The following TENM2 variants were observed in gnomAD, a reference collection of about 807,000 sequenced individuals.
The protein encoded by TENM2 is teneurin transmembrane protein 2.
TENM2 carries 52 observed loss-of-function variants against 245.2 expected under a neutral mutation model. The observed-to-expected ratio is 0.21, with a 90% CI of 0.17 to 0.27. TENM2 has a LOEUF of 0.27. Ranked by LOEUF, TENM2 falls within the 10% of genes least tolerant of loss-of-function variation. TENM2 has a pLI of 1.00. For synonymous variants in TENM2, 1,363 were observed against 1,438.9 expected, an observed-to-expected ratio of 0.95 and a Z score of 1.19; for missense variants, 3,046 against 3,666.8, an observed-to-expected ratio of 0.83 and a Z score of 4.37.
At chr5:168,084,170 C>G (rs1473280669) in intron 7 of TENM2, among the ~76,000 whole-genome samples, 1 of 152,160 alleles carries the variant, frequency 6.6e-6, no homozygotes, top group African/African-American at 2.4e-5. Flanking sequence ...TTGGTAGGCA[C>G]CTAGGTTGAT....
At chr5:167,919,794 G>A (rs1777213640) in intron 3 of TENM2, among the ~76,000 whole-genome samples, 2 of 152,194 alleles carry the variant, frequency 1.3e-5, no homozygotes, top group African/African-American at 4.8e-5. Flanking sequence ...CTATCAGAGT[G>A]CTTTGGTGAA....
intron 2 of TENM2, among the ~76,000 whole-genome samples, chr5:167,671,652 C>A (rs1755950473): frequency 6.6e-6 from 1 of 151,698 alleles, no homozygotes; most frequent in African/African-American, 2.4e-5. Flanking sequence ...TTATAAATAT[C>A]CATTTATCAC....
intron 2 of TENM2, among the ~76,000 whole-genome samples, chr5:167,833,321 A>G (rs1464554984): frequency 6.6e-6 from 1 of 152,228 alleles, no homozygotes; most frequent in East Asian, 1.9e-4. Flanking sequence ...CCTTCATACA[A>G]GGAAACAAAT....
At chr5:167,151,675 T>A in the TENM2 span, among the ~76,000 whole-genome samples, 1 of 152,062 alleles carries the variant, frequency 6.6e-6, no homozygotes, top group Non-Finnish European at 1.5e-5. Context: ...CCCGCCACCC[T>A]GCCTGGCTAA....
At chr5:167,501,598 G>A (rs76372288) in intron 2 of TENM2, among the ~76,000 whole-genome samples, 3,792 of 152,038 alleles carry the variant, frequency 0.025, 151 homozygotes, top group East Asian at 0.2. Context: ...TTATCTCCTT[G>A]TTTCTCCCAA....
At chr5:167,145,512 C>T in the TENM2 span, among the ~76,000 whole-genome samples, 10 of 152,140 alleles carry the variant, frequency 6.6e-5, no homozygotes, top group Non-Finnish European at 1.3e-4. Flanking sequence ...CTGACTGGAC[C>T]AAGTTACTGG....
At chr5:167,462,884 C>T (rs546511109) in intron 2 of TENM2, among the ~76,000 whole-genome samples, 2 of 152,128 alleles carry the variant, frequency 1.3e-5, no homozygotes, top group East Asian at 2.0e-4. Context: ...GGAGAACCGC[C>T]TTCTTCTACC....
chr5:167,286,005 G>A (rs1177199863), intron 1 of TENM2, among the ~76,000 whole-genome samples: 1 of 152,150 alleles, frequency 6.6e-6, no homozygotes, highest in Non-Finnish European at 1.5e-5. Context: ...TTCTAGTCCT[G>A]GTTTCTCAGC....
At chr5:167,994,313 C>G (rs1489201800) in intron 5 of TENM2, among the ~76,000 whole-genome samples, 2 of 152,214 alleles carry the variant, frequency 1.3e-5, no homozygotes, top group South Asian at 2.1e-4. Flanking sequence ...AAAAGGCAAC[C>G]CTGACTGTGT....
chr5:167,409,638 T>C (rs1019412830), intron 2 of TENM2, among the ~76,000 whole-genome samples: 1 of 151,998 alleles, frequency 6.6e-6, no homozygotes, highest in Non-Finnish European at 1.5e-5. Context: ...TTTATTTGTG[T>C]TTTTCATTTT....
Position 167,750,024 on chromosome 5 carries a change from A to G in TENM2, c.503-125962A>G, listed in dbSNP as rs897255768. Among the ~76,000 whole-genome samples, 7 of 152,144 alleles carry G rather than the reference A, an allele frequency of 4.6e-5. No homozygotes were observed. The East Asian group carries it at 1.4e-3, about 30-fold the overall frequency. ...GGTGTATTAGACTTTGTCAAAAGCA[A>G]TGGAGATGATTTTTTCAAGGTTAGA... On this transcript the variant is annotated intron_variant, in intron 2 of 28. Coordinates refer to ENST00000518659, the Ensembl canonical transcript of TENM2.
At chr5:167,126,080 T>C in the TENM2 span, among the ~76,000 whole-genome samples, 3 of 152,184 alleles carry the variant, frequency 2.0e-5, no homozygotes, top group South Asian at 6.2e-4. Flanking sequence ...AAAGGGAAGA[T>C]AGTAGGTGCC....
intron 5 of TENM2, among the ~76,000 whole-genome samples, chr5:168,025,923 T>A (rs1786581407): frequency 6.6e-6 from 1 of 152,186 alleles, no homozygotes; most frequent in African/African-American, 2.4e-5. Flanking sequence ...GAGGGCCTAT[T>A]TGAGCTCCAA....
chr5:167,068,282 C>G, the TENM2 span, among the ~76,000 whole-genome samples: 1 of 152,116 alleles, frequency 6.6e-6, no homozygotes, highest in African/African-American at 2.4e-5. Context: ...GCATTAGTGC[C>G]CAGTCACAAT....
chr5:167,867,705 A>C (rs1046522332), intron 2 of TENM2, among the ~76,000 whole-genome samples: 1 of 152,242 alleles, frequency 6.6e-6, no homozygotes, highest in Non-Finnish European at 1.5e-5. Context: ...TTGAGAAGAC[A>C]TAAGAGGTCA....
At chr5:166,983,275 T>G in the TENM2 span, among the ~76,000 whole-genome samples, 1 of 152,238 alleles carries the variant, frequency 6.6e-6, no homozygotes, top group South Asian at 2.1e-4. Context: ...ACAGTATGAT[T>G]CTGAAACTGA....
chr5:168,228,236 C>T (rs746250078), intron 25 of TENM2, 106 bp downstream of exon 27: 4 of 880,140 alleles, frequency 4.5e-6, no homozygotes, highest in Non-Finnish European at 7.1e-6. Context: ...AGGGGATATA[C>T]ACTTTCCTCA....
intron 2 of TENM2, among the ~76,000 whole-genome samples, chr5:167,776,595 A>G (rs1385913584): frequency 0.35 from 9,014 of 25,478 alleles, 1,077 homozygotes; most frequent in East Asian, 0.56. Context: ...CCCTGTCTGA[A>G]AAAAAAAAAA....
At chr5:168,245,522 G>A (rs1278560632) in intron 26 of TENM2, among the ~76,000 whole-genome samples, 1 of 149,140 alleles carries the variant, frequency 6.7e-6, no homozygotes, top group African/African-American at 2.5e-5. Flanking sequence ...GTGTCTGAAA[G>A]TGCCAAATTC....
Sources: allele counts gnomAD v4.1 joint callset (sites outside exome capture counted in the v4.1 genomes callset), GRCh38; gene constraint gnomAD v4.1.1; transcripts MANE v1.5; gene names NCBI Gene and HGNC (gene_info 2026-07-23, HGNC 2026-07-21).